ROCK1: variants seen among roughly 807,000 people sequenced by gnomAD.
The protein encoded by ROCK1 is rho-associated protein kinase 1.
In ROCK1, 36 loss-of-function variants were observed where a neutral mutation model predicts 196.8. That is an observed-to-expected ratio of 0.18 (90% CI 0.14 to 0.24). The LOEUF is 0.24. Among genes scored for constraint, ROCK1 ranks in the 10% least tolerant of loss-of-function variants. ROCK1 has a pLI of 1.00. For missense variants in ROCK1, 920 were observed against 1,562.0 expected, an observed-to-expected ratio of 0.59 and a Z score of 6.93; for synonymous variants, 443 against 515.9, an observed-to-expected ratio of 0.86 and a Z score of 1.91.
At chr18:21,105,873 G>A (rs1211266509) in intron 1 of ROCK1, among the ~76,000 whole-genome samples, 1 of 152,088 alleles carries the variant, frequency 6.6e-6, no homozygotes, top group Non-Finnish European at 1.5e-5. Context: ...CTTCAAGAGA[G>A]TGAAGACAAA....
At chr18:21,062,217 T>C (rs878957043) in intron 2 of ROCK1, among the ~76,000 whole-genome samples, 3 of 152,020 alleles carry the variant, frequency 2.0e-5, no homozygotes, top group South Asian at 4.1e-4. Flanking sequence ...ATTTCAGGGC[T>C]GAGGGAAAAT....
At chr18:20,960,068 T>A in intron 28 of ROCK1, 68 bp downstream of exon 28, 2 of 1,185,156 alleles carry the variant, frequency 1.7e-6, no homozygotes, top group Non-Finnish European at 2.5e-6. Context: ...GTAGCTAATA[T>A]AAGTTCTATG....
chr18:21,006,505 C>A lies in ROCK1; in HGVS notation c.1731G>T (p.Gln577His), dbSNP rs749962882. The A allele has an allele frequency of 6.2e-7, 1 of 1,613,914 alleles. No homozygotes were observed. The highest frequency in any genetic ancestry group is 8.5e-7 in the Non-Finnish European group (1 of 1,179,968). ...SHTEMSKSISQLESLNRELQE... is the reference protein window; with the variant it reads ...SHTEMSKSISHLESLNRELQE... ...GCAACTCTCTGTTCAGGGACTCTAA[C>A]TGACTAATTGACTTGCTCATCTCTG... The change falls in exon 16 of 33, where the codon CAG becomes CAT. Residue 577 changes from glutamine to histidine, a missense_variant. Gln to His is a conservative substitution (Grantham distance 24). Coordinates refer to ENST00000399799, the MANE Select transcript of ROCK1 (RefSeq NM_005406.3).
At chr18:20,982,938 A>C in intron 20 of ROCK1, 106 bp from the exon 21 acceptor site, 1 of 564,736 alleles carries the variant, frequency 1.8e-6, no homozygotes, top group East Asian at 3.1e-5. Flanking sequence ...TACTAAAACA[A>C]TCTTTATTTT....
In ROCK1 at chr18:21,095,619, A is replaced by G. The variant is rs1476326251; in HGVS notation, c.93+15199T>C. ...CCAGACACAGAAAGATAAATCTCAC[A>G]TGTTCCCATTCATTTGTGGGATCTA... On this transcript the variant is annotated intron_variant, in intron 1 of 32. Coordinates refer to ENST00000399799, the MANE Select transcript of ROCK1 (RefSeq NM_005406.3). Among the ~76,000 whole-genome samples, 4 of 151,958 alleles carry G rather than the reference A, an allele frequency of 2.6e-5. No individual in the cohort carries two copies. The East Asian group carries it at 7.8e-4, about 30-fold the overall frequency.
intron 2 of ROCK1, among the ~76,000 whole-genome samples, chr18:21,052,283 G>A (rs1598544664): frequency 1.3e-5 from 2 of 151,956 alleles, no homozygotes; most frequent in South Asian, 4.2e-4. Context: ...TCTCACCAAG[G>A]GTCCAACCTA....
intron 29 of ROCK1, among the ~76,000 whole-genome samples, chr18:20,957,918 G>A (rs1407398088): frequency 6.6e-6 from 1 of 152,106 alleles, no homozygotes; most frequent in Non-Finnish European, 1.5e-5. Context: ...AAAGTGCTGG[G>A]ATTAGAGGCA....
At chr18:20,960,073 T>C in intron 28 of ROCK1, 63 bp downstream of exon 28, 2 of 1,218,492 alleles carry the variant, frequency 1.6e-6, no homozygotes, top group Admixed American at 1.8e-5. Flanking sequence ...TAATATAAGT[T>C]CTATGCTCCA....
intron 27 of ROCK1, among the ~76,000 whole-genome samples, chr18:20,965,383 T>TCATACATA (rs766977630): frequency 1.3e-5 from 2 of 148,958 alleles, no homozygotes; most frequent in African/African-American, 5.0e-5. Flanking sequence ...TGAGACTGTT[T>TCATACATA]CATACATACA....
chr18:21,074,171 G>C (rs1031234709), intron 1 of ROCK1, among the ~76,000 whole-genome samples: 4 of 152,018 alleles, frequency 2.6e-5, no homozygotes, highest in African/African-American at 9.7e-5. Flanking sequence ...AAATCAATCA[G>C]TCTGTCAATC....
At chr18:21,066,268 TATAAC>T (rs1222414846) in intron 2 of ROCK1, among the ~76,000 whole-genome samples, 6 of 152,174 alleles carry the variant, frequency 3.9e-5, no homozygotes, top group African/African-American at 1.2e-4. Flanking sequence ...TATTTACACT[TATAAC>T]ATGTTTATTC....
At position 21,008,056 on chromosome 18, in the gene ROCK1, T is replaced by C. The variant is rs1357427754; in HGVS notation, c.1546+3A>G. ...TCATTTTTCAAAAGTAGTGACAATT[T>C]ACCTTCATTTTCTACATTTCTTCTC... is the stretch of plus-strand genomic sequence containing the variant. On this transcript the variant is annotated splice_donor_region_variant and intron_variant, in intron 14 of 32. Transcript: ENST00000399799. The C allele has an allele frequency of 1.9e-6, 3 of 1,587,272 alleles. No individual in the cohort carries two copies. Among genetic ancestry groups the C allele is most frequent in the Non-Finnish European group, 2.6e-6 (3 of 1,168,104 alleles).
chr18:21,018,130 T>C (rs1002099129), intron 12 of ROCK1, among the ~76,000 whole-genome samples: 6 of 152,206 alleles, frequency 3.9e-5, no homozygotes, highest in Non-Finnish European at 7.3e-5. Context: ...CTTGAGGTGA[T>C]ACTTTCATAT....
At chr18:20,975,995 T>G (rs200282391) in intron 22 of ROCK1, among the ~76,000 whole-genome samples, 1 of 152,238 alleles carries the variant, frequency 6.6e-6, no homozygotes. Context: ...GATCTTCTCT[T>G]ACACTGTTGG....
intron 11 of ROCK1, among the ~76,000 whole-genome samples, chr18:21,022,228 T>C (rs892957571): frequency 1.2e-4 from 18 of 152,152 alleles, no homozygotes; most frequent in African/African-American, 3.9e-4. Flanking sequence ...ATAATTACTC[T>C]GGATATTTTT....
At chr18:21,027,091 A>C (rs1053477076) in intron 10 of ROCK1, among the ~76,000 whole-genome samples, 1 of 152,070 alleles carries the variant, frequency 6.6e-6, no homozygotes, top group Non-Finnish European at 1.5e-5. Flanking sequence ...GGCATACGCC[A>C]CGACACCTGG....
intron 1 of ROCK1, among the ~76,000 whole-genome samples, chr18:21,103,193 A>G (rs922608695): frequency 2.6e-5 from 4 of 152,162 alleles, no homozygotes; most frequent in African/African-American, 7.2e-5. Context: ...TACACTTCCT[A>G]TGTTCAGAAA....
rs2035623634 is a variant in ROCK1, at chr18:20,991,295, T to C, written c.2024A>G (p.Tyr675Cys). ...CCGTTGTTGTAATGATTTAAGTTTG[T>C]AGTTTAAATCTATCTCTAAATTATT... ...EKNNLEIDLN[Y>C]KLKSLQQRLE... Residue 675 changes from tyrosine (Y) to cysteine (C), a missense_variant, in exon 18 of 33, where the codon TAC becomes TGC. Physicochemically the swap from Tyr to Cys is radical, Grantham distance 194 (BLOSUM62 -2). Around this residue, in one of 6 missense-constraint regions of ROCK1, gnomAD observed 520 missense variants for 657.1 expected, o/e 0.79. Coordinates refer to ENST00000399799, the MANE Select transcript of ROCK1 (RefSeq NM_005406.3). 6.2e-7 allele frequency: 1 copy of C among 1,603,714 alleles called. No homozygotes were observed. The highest frequency in any genetic ancestry group is 8.5e-7 in the Non-Finnish European group (1 of 1,172,558).
intron 1 of ROCK1, among the ~76,000 whole-genome samples, chr18:21,093,506 G>C (rs928732435): frequency 2.6e-5 from 4 of 152,250 alleles, no homozygotes; most frequent in East Asian, 1.9e-4. Flanking sequence ...CTTTAGAAGA[G>C]TGTATATGAC....
Sources: allele counts gnomAD v4.1 joint callset (sites outside exome capture counted in the v4.1 genomes callset), GRCh38; gene constraint gnomAD v4.1.1; regional missense constraint gnomAD v4.1.1; transcripts MANE v1.5; gene names NCBI Gene and HGNC (gene_info 2026-07-23, HGNC 2026-07-21).